The following DBF4 variants were observed in gnomAD, a reference collection of about 807,000 sequenced individuals.
DBF4 encodes protein DBF4 homolog A.
A neutral mutation model predicts 76.6 loss-of-function variants in DBF4; 25 were observed. The ratio of observed to expected loss-of-function variants is 0.33; its 90% CI spans 0.24 to 0.46. The LOEUF (loss-of-function observed/expected upper bound fraction) is 0.46, where lower values mean the gene tolerates loss of function less well. Ranked by LOEUF, DBF4 falls within the 20% of genes least tolerant of loss-of-function variation. The pLI, the probability that DBF4 is intolerant of heterozygous loss-of-function variation, is 1.00. For missense variants in DBF4, 638 were observed against 760.8 expected (o/e 0.84, Z 1.90); for synonymous variants, 213 against 258.0 (o/e 0.83, Z 1.67).
chr7:87,886,476 A>T (rs758182911), intron 3 of DBF4, among the ~76,000 whole-genome samples: 5 of 150,600 alleles, frequency 3.3e-5, no homozygotes, highest in Admixed American at 6.6e-5. Context: ...CAGAGGTTGC[A>T]ATGAGCTGAG....
rs1235537701 is a variant in DBF4 at position 87,876,790 on chromosome 7, C to G, written c.46+12C>G. ...AGGACATTTCCAGGGTAAGAAGCCC[C>G]TCCTCCGCCTGCAGTCCCTTTAATC... is the stretch of plus-strand genomic sequence containing the variant. On this transcript the variant is annotated intron_variant, in intron 1 of 11. Transcript: ENST00000265728. 1.9e-6 allele frequency: 3 copies of G among 1,613,930 alleles called. No individual in the cohort carries two copies. Among genetic ancestry groups the G allele is most frequent in the Non-Finnish European group, 2.5e-6 (3 of 1,179,894 alleles).
rs1839960493 is a variant in DBF4, at chr7:87,908,329, TAAAG to T, written c.*170_*173del. On this transcript the variant is annotated 3_prime_UTR_variant, in exon 12 of 12. Coordinates refer to ENST00000265728, the MANE Select transcript of DBF4 (RefSeq NM_006716.4). Reference sequence around the variant, plus strand: ...ATTTTCTACAGAATTGAATACCTGTTAAAGAAAAATTACAGAATAAACTTGTGAC... The same window carrying T: ...ATTTTCTACAGAATTGAATACCTGTTAAAAATTACAGAATAAACTTGTGAC... 1.7e-6 allele frequency: 1 copy of T among 605,068 alleles called. No homozygotes were observed. The highest frequency in any genetic ancestry group is 2.5e-6 in the Non-Finnish European group (1 of 405,858). 37.5% of individuals were successfully genotyped at this position (605,068 alleles called of 1,614,324 possible). A position where few individuals can be genotyped will look rare whatever the true frequency, so the allele number is the denominator to read the frequency against.
chr7:87,886,950 G>A, intron 4 of DBF4, 56 bp downstream of exon 4: 1 of 1,132,714 alleles, frequency 8.8e-7, no homozygotes, highest in Non-Finnish European at 1.3e-6. Context: ...AAACTCAACT[G>A]GAAATTACAG....
chr7:87,883,605 G>T (rs1370248860), intron 2 of DBF4, among the ~76,000 whole-genome samples: 1 of 152,010 alleles, frequency 6.6e-6, no homozygotes, highest in Non-Finnish European at 1.5e-5. Flanking sequence ...AATAAATGTA[G>T]GTACATTATT....
At chr7:87,890,783 G>A (rs1438550216) in intron 6 of DBF4, among the ~76,000 whole-genome samples, 1 of 152,124 alleles carries the variant, frequency 6.6e-6, no homozygotes, top group Non-Finnish European at 1.5e-5. Flanking sequence ...CCTGCTATGT[G>A]CCATGCAGTA....
rs528123442 is a variant in DBF4 at position 87,876,666 on chromosome 7, C to T, written c.-67C>T. The T allele has an allele frequency of 3.2e-6, 5 of 1,579,852 alleles. No individual in the cohort carries two copies. Among genetic ancestry groups the T allele is most frequent in the Admixed American group, 1.7e-5 (1 of 59,200 alleles). ...GTCCTGTCAACAGGCCGGGGGAAGC[C>T]GTGCTTTCGCGGCTGCCCGGTGCGA... On this transcript the variant is annotated 5_prime_UTR_variant, in exon 1 of 12. Transcript: ENST00000265728.
intron 11 of DBF4, among the ~76,000 whole-genome samples, chr7:87,905,048 A>G (rs2888597): frequency 0.1 from 15,338 of 152,196 alleles, 1,087 homozygotes; most frequent in Non-Finnish European, 0.15. Flanking sequence ...CCTCCCAGGT[A>G]CAAAAGATTC....
At chr7:87,884,943 C>G in intron 2 of DBF4, 36 bp from the exon 3 acceptor site, 1 of 1,526,494 alleles carries the variant, frequency 6.6e-7, no homozygotes, top group Non-Finnish European at 8.9e-7. Context: ...TTTCTTAAAA[C>G]AAATTTATAA....
At chr7:87,896,535 G>A in intron 7 of DBF4, 25 bp downstream of exon 7, 2 of 1,604,196 alleles carry the variant, frequency 1.2e-6, no homozygotes, top group Non-Finnish European at 1.7e-6. Context: ...ATCTTTAAGT[G>A]TATTTGGTTT....
At position 87,896,481 on chromosome 7, in the gene DBF4, G is replaced by T. The variant is rs1839643135; in HGVS notation, c.605G>T (p.Arg202Ile). Residue 202 changes from arginine (R) to isoleucine (I), a missense_variant, in exon 7 of 12, where the codon AGA (arginine) becomes ATA (isoleucine). By Grantham distance (97) the Arg-to-Ile change is moderately conservative (BLOSUM62 -3). Coordinates refer to ENST00000265728, the MANE Select transcript of DBF4 (RefSeq NM_006716.4). ...CTATATATTTTTTTTTAGGGCAAAA[G>T]AGTTGGTAGTGGTGCACAAAAAACA... ...SSTSVRDGGKRVGSGAQKTRT... is the reference protein window; with the variant it reads ...SSTSVRDGGKIVGSGAQKTRT... The T allele has an allele frequency of 1.9e-6, 3 of 1,611,678 alleles. No individual in the cohort carries two copies. Among genetic ancestry groups the T allele is most frequent in the South Asian group, 1.1e-5 (1 of 90,738 alleles).
rs1584377945 is a variant in DBF4 at position 87,908,346 on chromosome 7, A to G, written c.*183A>G. The G allele has an allele frequency of 1.9e-6, 1 of 513,884 alleles. No homozygotes were observed. The highest frequency in any genetic ancestry group is 5.7e-4 in the Middle Eastern group (1 of 1,750). The allele number at this position is 513,884 out of a possible 1,614,324, so 31.8% of individuals were successfully genotyped here. Reference sequence around the variant, plus strand: ...ATACCTGTTAAAGAAAAATTACAGAATAAACTTGTGACTGGTCTTGTTTTA... The same window carrying G: ...ATACCTGTTAAAGAAAAATTACAGAGTAAACTTGTGACTGGTCTTGTTTTA... On this transcript the variant is annotated 3_prime_UTR_variant, in exon 12 of 12. Transcript: ENST00000265728.
intron 9 of DBF4, among the ~76,000 whole-genome samples, 160 bp downstream of exon 9, chr7:87,900,509 TG>T (rs1839750722): frequency 6.6e-6 from 1 of 151,650 alleles, no homozygotes; most frequent in African/African-American, 2.4e-5. Context: ...TAGATGGAGG[TG>T]GGGAGGGCCT....
Position 87,876,831 on chromosome 7 carries a change from G to C in DBF4, c.46+53G>C, listed in dbSNP as rs889822496. 62 of 1,593,814 alleles carry C rather than the reference G, an allele frequency of 3.9e-5. No homozygotes were observed. In the Admixed American group the frequency reaches 1.0e-3, roughly 26 times the overall value. On this transcript the variant is annotated intron_variant, in intron 1 of 11. Transcript: ENST00000265728. ...CCCTTTAATCCTTTCCTCCCCTCGT[G>C]GTTCCACCATTGATTCTTCAGACTT...
At chr7:87,887,928 GT>G (rs1351212679) in intron 5 of DBF4, 54 bp from the exon 6 acceptor site, 1 of 1,427,914 alleles carries the variant, frequency 7.0e-7, no homozygotes, top group Non-Finnish European at 9.5e-7. Flanking sequence ...AAATATCACT[GT>G]TTAACTCCAA....
chr7:87,887,252 A>G (rs1328179818), intron 4 of DBF4, 77 bp from the exon 5 acceptor site: 4 of 1,165,936 alleles, frequency 3.4e-6, no homozygotes, highest in Non-Finnish European at 2.4e-6. Context: ...TTAAACTTCA[A>G]ATAATTGAAT....
intron 10 of DBF4, among the ~76,000 whole-genome samples, chr7:87,901,547 A>G (rs374212435): frequency 9.9e-5 from 15 of 152,228 alleles, no homozygotes; most frequent in African/African-American, 3.6e-4. Context: ...AACCTTAGCA[A>G]TTAAAAAGTG....
At chr7:87,876,799 C>T (rs1199383523) in intron 1 of DBF4, 21 bp downstream of exon 1, 3 of 1,613,566 alleles carry the variant, frequency 1.9e-6, no homozygotes, top group African/African-American at 1.3e-5. Flanking sequence ...CCTCCTCCGC[C>T]TGCAGTCCCT....
At chr7:87,885,447 T>C (rs1839322496) in intron 3 of DBF4, among the ~76,000 whole-genome samples, 1 of 152,236 alleles carries the variant, frequency 6.6e-6, no homozygotes, top group Admixed American at 6.5e-5. Context: ...GATCATTCTT[T>C]GAAGAAGAAA....
chr7:87,886,512 G>C (rs1310324615), intron 3 of DBF4, among the ~76,000 whole-genome samples: 2 of 128,676 alleles, frequency 1.6e-5, no homozygotes, highest in African/African-American at 6.1e-5. Flanking sequence ...TCTAGCTTGA[G>C]CGACACAGCA....
Sources: gnomAD v4.1 joint callset for allele counts (sites outside exome capture counted in the v4.1 genomes callset) on GRCh38, gnomAD v4.1.1 for gene constraint, MANE v1.5 for transcripts, NCBI Gene and HGNC (gene_info 2026-07-23, HGNC 2026-07-21) for gene names.